STARD3: variants seen among roughly 807,000 people sequenced by gnomAD.
STARD3 encodes StAR related lipid transfer domain containing 3, also known as stAR-related lipid transfer protein 3.
A neutral mutation model predicts 62.0 loss-of-function variants in STARD3; 39 were observed. The ratio of observed to expected loss-of-function variants is 0.63; its 90% CI spans 0.49 to 0.82. The LOEUF is 0.82. Ranked by LOEUF, STARD3 falls within the 40% of genes least tolerant of loss-of-function variation. The pLI, the probability that STARD3 is intolerant of heterozygous loss-of-function variation, is 0.00. For missense variants in STARD3, 543 were observed against 584.5 expected (o/e 0.93, Z 0.73); for synonymous variants, 229 against 242.4 (o/e 0.94, Z 0.51).
intron 1 of STARD3, among the ~76,000 whole-genome samples, chr17:39,640,906 G>A (rs1429975402): frequency 6.6e-6 from 1 of 152,126 alleles, no homozygotes; most frequent in Admixed American, 6.5e-5. Context: ...GAGAAACAGA[G>A]CCAGGCTTTG....
At position 39,658,415 on chromosome 17, in the gene STARD3, A is replaced by C; in HGVS notation, c.440A>C (p.Lys147Thr). 1 of 1,614,108 alleles carries C rather than the reference A, an allele frequency of 6.2e-7. No homozygotes were observed. The highest frequency in any genetic ancestry group is 8.5e-7 in the Non-Finnish European group (1 of 1,179,976). ...CCCCTCCCTTCACAGCTGCTCAGCA[A>C]AGGGGCATTTGGCTACCTGCTCCCC... The part of the protein sequence containing the change: ...VKVILSELLS[K>T]GAFGYLLPIV... The change falls in exon 6 of 15, where the codon AAA (lysine) becomes ACA (threonine). Residue 147 changes from lysine (K) to threonine (T), a missense_variant. By Grantham distance (78) the Lys-to-Thr change is moderately conservative (BLOSUM62 -1). Transcript: ENST00000336308.
chr17:39,650,765 G>A (rs1453252094), intron 1 of STARD3, among the ~76,000 whole-genome samples: 1 of 152,238 alleles, frequency 6.6e-6, no homozygotes, highest in Non-Finnish European at 1.5e-5. Flanking sequence ...AGTGAGCCAT[G>A]ATCGTGCCAC....
intron 1 of STARD3, among the ~76,000 whole-genome samples, chr17:39,649,633 A>G (rs1317601718): frequency 3.3e-5 from 5 of 152,194 alleles, no homozygotes; most frequent in Non-Finnish European, 7.3e-5. Flanking sequence ...TTGGGAGGCC[A>G]AGGCAGGCAG....
intron 14 of STARD3, 105 bp from the exon 15 acceptor site, chr17:39,662,699 C>G: frequency 9.1e-7 from 1 of 1,104,494 alleles, no homozygotes. Context: ...GATTCCAGAG[C>G]TGCACCTGCA....
rs2057218472 is a variant in STARD3, at chr17:39,662,997, A to C, written c.*89A>C. On this transcript the variant is annotated 3_prime_UTR_variant, in exon 15 of 15. Coordinates refer to ENST00000336308, the MANE Select transcript of STARD3 (RefSeq NM_006804.4). Reference sequence around the variant, plus strand: ...TGCCAGTTGGGCTCGCACTGCCCACATGGGACCTGGCCCCAGGCTGTCACC... The same window carrying C: ...TGCCAGTTGGGCTCGCACTGCCCACCTGGGACCTGGCCCCAGGCTGTCACC... 7.8e-7 allele frequency: 1 copy of C among 1,278,014 alleles called. No individual in the cohort carries two copies. The highest frequency in any genetic ancestry group is 1.1e-6 in the Non-Finnish European group (1 of 929,384). The allele number at this position is 1,278,014 out of a possible 1,614,324, so 79.2% of individuals were successfully genotyped here. A position where few individuals can be genotyped will look rare whatever the true frequency, so the allele number is the denominator to read the frequency against.
chr17:39,663,087 C>T lies in STARD3; in HGVS notation c.*179C>T. 3.4e-6 allele frequency: 2 copies of T among 590,604 alleles called. No homozygotes were observed. The highest frequency in any genetic ancestry group is 2.7e-5 in the South Asian group (1 of 37,496). 36.6% of individuals were successfully genotyped at this position (590,604 alleles called of 1,614,324 possible). ...GCAGGCTGTGGGGTGGAGCACTGGA[C>T]TCCGGGGCCCCACTGGCTGGAGGAA... On this transcript the variant is annotated 3_prime_UTR_variant, in exon 15 of 15. Coordinates refer to ENST00000336308, the MANE Select transcript of STARD3 (RefSeq NM_006804.4).
At chr17:39,648,879 C>T (rs949968071) in intron 1 of STARD3, among the ~76,000 whole-genome samples, 1 of 152,188 alleles carries the variant, frequency 6.6e-6, no homozygotes, top group Non-Finnish European at 1.5e-5. Context: ...GTGCGTCTCA[C>T]ACCCAAGCTG....
intron 1 of STARD3, among the ~76,000 whole-genome samples, chr17:39,649,305 A>G (rs1364763617): frequency 6.6e-6 from 1 of 152,198 alleles, no homozygotes; most frequent in Admixed American, 6.5e-5. Context: ...TGTCTTGAAG[A>G]TGTATTTCCA....
intron 13 of STARD3, among the ~76,000 whole-genome samples, chr17:39,661,660 C>T (rs2057200068): frequency 6.6e-6 from 1 of 152,182 alleles, no homozygotes; most frequent in Non-Finnish European, 1.5e-5. Context: ...CCATCCCCTC[C>T]TGGGTTCCAG....
intron 5 of STARD3, 39 bp from the exon 6 acceptor site, chr17:39,658,366 G>T (rs991778828): frequency 6.3e-7 from 1 of 1,587,302 alleles, no homozygotes; most frequent in South Asian, 1.1e-5. Context: ...TGGGTTTGGG[G>T]TGACCCCTGC....
intron 1 of STARD3, among the ~76,000 whole-genome samples, chr17:39,640,250 C>T (rs1217473296): frequency 6.6e-6 from 1 of 152,186 alleles, no homozygotes; most frequent in African/African-American, 2.4e-5. Context: ...CTCCACTTTA[C>T]AGATGAGGAA....
intron 1 of STARD3, among the ~76,000 whole-genome samples, chr17:39,643,745 C>T (rs1162915087): frequency 6.6e-6 from 1 of 152,178 alleles, no homozygotes; most frequent in African/African-American, 2.4e-5. Context: ...GCCATCTCGC[C>T]AGTCAGTCAG....
At chr17:39,651,178 T>C (rs1209225268) in intron 1 of STARD3, among the ~76,000 whole-genome samples, 1 of 152,190 alleles carries the variant, frequency 6.6e-6, no homozygotes, top group Non-Finnish European at 1.5e-5. Flanking sequence ...CTGGTGCCTC[T>C]GCCTCACCTG....
At chr17:39,645,574 A>ATTC (rs2057018471) in intron 1 of STARD3, among the ~76,000 whole-genome samples, 1 of 151,946 alleles carries the variant, frequency 6.6e-6, no homozygotes, top group Admixed American at 6.6e-5. Context: ...GGTTCAAATG[A>ATTC]TTCTCCTGCC....
intron 8 of STARD3, 119 bp from the exon 9 acceptor site, chr17:39,659,342 A>G: frequency 7.4e-6 from 8 of 1,086,254 alleles, no homozygotes; most frequent in Non-Finnish European, 9.4e-6. Context: ...CAGATCCCAC[A>G]TGTGGCTGGG....
In STARD3 at chr17:39,662,888, G is replaced by A. The variant is rs368839197; in HGVS notation, c.1318G>A (p.Glu440Lys). 56 of 1,612,022 alleles carry A rather than the reference G, an allele frequency of 3.5e-5. No homozygotes were observed. The highest frequency in any genetic ancestry group is 9.0e-5 in the East Asian group (4 of 44,624). ...FAFHLRQRIS[E>K]LGARA ...CTTTCACCTGCGACAGCGCATCAGC[G>A]AGCTGGGGGCCCGGGCGTGACTGTG... Residue 440 changes from glutamate (E) to lysine (K), a missense_variant, in exon 15 of 15, where the codon GAG becomes AAG. Coordinates refer to ENST00000336308, the MANE Select transcript of STARD3 (RefSeq NM_006804.4).
At chr17:39,639,794 T>C (rs947467121) in intron 1 of STARD3, among the ~76,000 whole-genome samples, 1 of 152,170 alleles carries the variant, frequency 6.6e-6, no homozygotes, top group Non-Finnish European at 1.5e-5. Flanking sequence ...GGCTGGGCCT[T>C]CTTTGGAGCT....
chr17:39,659,400 C>T, intron 8 of STARD3, 61 bp from the exon 9 acceptor site: 1 of 1,517,708 alleles, frequency 6.6e-7, no homozygotes. Flanking sequence ...GAGAACAGGC[C>T]ACGAACATGG....
chr17:39,648,773 C>T (rs905589803), intron 1 of STARD3, among the ~76,000 whole-genome samples: 4 of 152,196 alleles, frequency 2.6e-5, no homozygotes, highest in African/African-American at 4.8e-5. Flanking sequence ...TCAACTCTCC[C>T]GGGCTCCCGC....
Sources: gnomAD v4.1 joint callset for allele counts (sites outside exome capture counted in the v4.1 genomes callset) on GRCh38, gnomAD v4.1.1 for gene constraint, MANE v1.5 for transcripts, NCBI Gene and HGNC (gene_info 2026-07-23, HGNC 2026-07-21) for gene names.